MAP4: variants seen among roughly 807,000 people sequenced by gnomAD.
The protein encoded by MAP4 is microtubule-associated protein 4.
Under a neutral mutation model 170.2 loss-of-function variants are expected in MAP4, and 76 were observed. That is an observed-to-expected ratio of 0.45 (90% CI 0.37 to 0.54). The LOEUF (loss-of-function observed/expected upper bound fraction) is 0.54, where lower values mean the gene tolerates loss of function less well. Among genes scored for constraint, MAP4 ranks in the 20% least tolerant of loss-of-function variants. The pLI, the probability that MAP4 is intolerant of heterozygous loss-of-function variation, is 0.00. For missense variants in MAP4, 2,506 were observed against 2,748.0 expected (o/e 0.91, Z 1.97); for synonymous variants, 909 against 994.5 (o/e 0.91, Z 1.62).
intron 1 of MAP4, among the ~76,000 whole-genome samples, chr3:48,001,964 C>A (rs2100099401): frequency 6.6e-6 from 1 of 152,086 alleles, no homozygotes; most frequent in African/African-American, 2.4e-5. Context: ...GGAACCTCCA[C>A]CTCCCAGGTT....
At chr3:48,021,638 G>A (rs1213654770) in intron 1 of MAP4, among the ~76,000 whole-genome samples, 3 of 152,246 alleles carry the variant, frequency 2.0e-5, no homozygotes, top group East Asian at 1.9e-4. Flanking sequence ...GAGACACCAC[G>A]CCCGGCCTAA....
At chr3:47,915,484 A>G (rs1464769164) in intron 7 of MAP4, among the ~76,000 whole-genome samples, 1 of 152,190 alleles carries the variant, frequency 6.6e-6, no homozygotes, top group Non-Finnish European at 1.5e-5. Context: ...ATCCAATGAA[A>G]AAAGATTTAA....
intron 16 of MAP4, among the ~76,000 whole-genome samples, chr3:47,868,685 A>C (rs2085059326): frequency 6.6e-6 from 1 of 152,200 alleles, no homozygotes; most frequent in Admixed American, 6.5e-5. Flanking sequence ...TACCTATACT[A>C]AGTGGGTTTC....
chr3:48,067,186 CCAGA>C (rs1476001548), intron 1 of MAP4, among the ~76,000 whole-genome samples: 2 of 151,910 alleles, frequency 1.3e-5, no homozygotes, highest in African/African-American at 4.8e-5. Context: ...TACTCCATCA[CCAGA>C]CAGACTGTTT....
chr3:48,080,613 G>A (rs2100146135), intron 1 of MAP4, among the ~76,000 whole-genome samples: 1 of 152,166 alleles, frequency 6.6e-6, no homozygotes, highest in Non-Finnish European at 1.5e-5. Context: ...TTGGGAGGCT[G>A]AGGTAGGAGG....
intron 3 of MAP4, among the ~76,000 whole-genome samples, chr3:47,945,907 C>T (rs537390578): frequency 2.8e-4 from 43 of 151,190 alleles, no homozygotes; most frequent in African/African-American, 9.9e-4. Context: ...AGAGACAGGG[C>T]TTCGCCGTGT....
chr3:47,995,241 TTTTC>T (rs1164531852), intron 2 of MAP4, among the ~76,000 whole-genome samples: 2 of 138,832 alleles, frequency 1.4e-5, no homozygotes, highest in South Asian at 2.2e-4. Flanking sequence ...TAGCAACTTT[TTTTC>T]TTTTCTTTTT....
chr3:47,878,396 C>G (rs1032762250), intron 10 of MAP4, among the ~76,000 whole-genome samples: 1 of 152,160 alleles, frequency 6.6e-6, no homozygotes. Flanking sequence ...TCCCACAAAT[C>G]AGTAACTGCT....
chr3:48,024,839 T>C (rs887132953), intron 1 of MAP4, among the ~76,000 whole-genome samples: 5 of 152,228 alleles, frequency 3.3e-5, no homozygotes, highest in African/African-American at 9.6e-5. Context: ...ACAGGTCTCC[T>C]GACTTTCTAT....
At chr3:47,921,542 C>A (rs143443067) in intron 5 of MAP4, among the ~76,000 whole-genome samples, 139 of 152,224 alleles carry the variant, frequency 9.1e-4, no homozygotes, top group African/African-American at 3.2e-3. Context: ...ATTTGTCATT[C>A]TTTATTGAAG....
At chr3:47,899,232 ATTCC>A (rs1197852255) in intron 10 of MAP4, among the ~76,000 whole-genome samples, 1 of 152,192 alleles carries the variant, frequency 6.6e-6, no homozygotes, top group East Asian at 1.9e-4. Flanking sequence ...TGCCACTGGG[ATTCC>A]TTGTCTCTAG....
chr3:47,973,617 A>G (rs961193877), intron 3 of MAP4: 3 of 985,236 alleles, frequency 3.0e-6, no homozygotes, highest in Admixed American at 6.1e-5. Flanking sequence ...AAATGGAAAT[A>G]AAAGAATAAA....
In MAP4 at chr3:47,866,166, G is replaced by A. The variant is rs2079362056; in HGVS notation, c.6501+1080C>T. On this transcript the variant is annotated intron_variant, in intron 17 of 20. Coordinates refer to ENST00000683076, the MANE Select transcript of MAP4 (RefSeq NM_001385682.1). ...AGCCTGGCCAGCATGATGAAACCCCGTCTCTACTAAAAATACAAAAATTAG... is the reference window on the plus strand; with the variant it reads ...AGCCTGGCCAGCATGATGAAACCCCATCTCTACTAAAAATACAAAAATTAG... Among the ~76,000 whole-genome samples the A allele has an allele frequency of 3.3e-5, 5 of 151,958 alleles. No individual in the cohort carries two copies. In the South Asian group the frequency reaches 6.2e-4, roughly 19 times the overall value.
intron 1 of MAP4, among the ~76,000 whole-genome samples, chr3:48,007,345 G>A (rs1464388938): frequency 6.6e-6 from 1 of 152,200 alleles, no homozygotes; most frequent in Non-Finnish European, 1.5e-5. Flanking sequence ...CAAGAAAGAG[G>A]CACAATGCCT....
At chr3:47,988,680 C>T (rs1041991603) in intron 2 of MAP4, among the ~76,000 whole-genome samples, 1 of 151,886 alleles carries the variant, frequency 6.6e-6, no homozygotes, top group Non-Finnish European at 1.5e-5. Context: ...ATTTCCTGAA[C>T]ATACATCTAA....
intron 3 of MAP4, among the ~76,000 whole-genome samples, chr3:47,962,899 A>G (rs1192799585): frequency 6.6e-6 from 1 of 152,236 alleles, no homozygotes; most frequent in African/African-American, 2.4e-5. Context: ...AAATCCTTCA[A>G]TGAAGACCTC....
intron 8 of MAP4, 104 bp downstream of exon 8, chr3:47,914,713 T>C: frequency 1.5e-6 from 2 of 1,330,634 alleles, no homozygotes; most frequent in Admixed American, 1.9e-5. Flanking sequence ...TAAACTATAC[T>C]GCTGATTACC....
At chr3:47,982,655 G>T (rs1435561667) in intron 2 of MAP4, among the ~76,000 whole-genome samples, 2 of 151,980 alleles carry the variant, frequency 1.3e-5, no homozygotes, top group African/African-American at 4.8e-5. Context: ...CAAAAGTTAA[G>T]ACCACTACTT....
chr3:48,079,041 C>T (rs1342384744), intron 1 of MAP4, among the ~76,000 whole-genome samples: 4 of 152,062 alleles, frequency 2.6e-5, no homozygotes, highest in East Asian at 1.9e-4. Context: ...CATGGTGGCA[C>T]GTGCCTATAA....
Sources: gnomAD v4.1 joint callset for allele counts (sites outside exome capture counted in the v4.1 genomes callset) on GRCh38, gnomAD v4.1.1 for gene constraint, MANE v1.5 for transcripts, NCBI Gene and HGNC (gene_info 2026-07-23, HGNC 2026-07-21) for gene names.